CEP135: variants seen among roughly 807,000 people sequenced by gnomAD.
CEP135 encodes centrosomal protein 135.
A neutral mutation model predicts 157.3 loss-of-function variants in CEP135; 142 were observed. The observed-to-expected ratio is 0.90, with a 90% confidence interval of 0.79 to 1.04. The LOEUF (loss-of-function observed/expected upper bound fraction) is 1.04, where lower values mean the gene tolerates loss of function less well. CEP135 is among the 50% of genes least tolerant of loss of function. The pLI is 0.00. For synonymous variants in CEP135, 396 were observed against 439.8 expected, an observed-to-expected ratio of 0.90 and a Z score of 1.25; for missense variants, 1,317 against 1,309.2, an observed-to-expected ratio of 1.01 and a Z score of -0.09.
chr4:55,969,954 C>G (rs888242515), intron 9 of CEP135, among the ~76,000 whole-genome samples: 1 of 151,882 alleles, frequency 6.6e-6, no homozygotes, highest in African/African-American at 2.4e-5. Context: ...CTCCCTGCAG[C>G]CTTGAACCCC....
intron 6 of CEP135, among the ~76,000 whole-genome samples, chr4:55,963,067 G>C (rs985143542): frequency 9.9e-5 from 15 of 152,040 alleles, no homozygotes; most frequent in African/African-American, 3.4e-4. Context: ...GTTTGCCCAA[G>C]TGCACATTCT....
At chr4:56,017,878 T>C in intron 22 of CEP135, 21 bp downstream of exon 22, 1 of 1,597,258 alleles carries the variant, frequency 6.3e-7, no homozygotes. Context: ...TAAATTGTCT[T>C]GGCACATTGT....
intron 23 of CEP135, 77 bp from the exon 24 acceptor site, chr4:56,020,599 A>T (rs1560425909): frequency 1.8e-6 from 2 of 1,117,278 alleles, no homozygotes; most frequent in Non-Finnish European, 1.3e-6. Flanking sequence ...TCTTCTCTTT[A>T]TTAATTTAAA....
rs146098498 is a variant in CEP135 at position 55,972,759 on chromosome 4, C to T, written c.1249+1351C>T. 7.8e-4 allele frequency among the ~76,000 whole-genome samples: 119 copies of T among 152,282 alleles called. 1 individual carries two copies. In the East Asian group the frequency reaches 0.021, roughly 26 times the overall value. On this transcript the variant is annotated intron_variant, in intron 10 of 25. Coordinates refer to ENST00000257287, the MANE Select transcript of CEP135 (RefSeq NM_025009.5). Reference sequence around the variant, plus strand: ...ATAAAAGTTTAAAACAGGCTGGGTGCGGTGGCTCACGCCTGTAATCCCAGC... The same window carrying T: ...ATAAAAGTTTAAAACAGGCTGGGTGTGGTGGCTCACGCCTGTAATCCCAGC...
At chr4:55,988,308 TA>T (rs1729666166) in intron 14 of CEP135, among the ~76,000 whole-genome samples, 1 of 152,060 alleles carries the variant, frequency 6.6e-6, no homozygotes, top group Non-Finnish European at 1.5e-5. Flanking sequence ...ATAGAAGTTT[TA>T]AAGAAGAACA....
chr4:55,952,852 T>C (rs1728399367), intron 2 of CEP135, among the ~76,000 whole-genome samples: 1 of 152,138 alleles, frequency 6.6e-6, no homozygotes, highest in African/African-American at 2.4e-5. Context: ...AGAAAAGGTA[T>C]TGTGTTGTGC....
At chr4:55,984,654 A>G (rs1458949959) in intron 13 of CEP135, among the ~76,000 whole-genome samples, 1 of 152,244 alleles carries the variant, frequency 6.6e-6, no homozygotes, top group African/African-American at 2.4e-5. Flanking sequence ...TCTGAACATC[A>G]GATGTGTCTG....
chr4:55,996,281 C>T (rs1191289404), intron 15 of CEP135, among the ~76,000 whole-genome samples: 1 of 152,132 alleles, frequency 6.6e-6, no homozygotes, highest in Non-Finnish European at 1.5e-5. Flanking sequence ...CCACTACACT[C>T]AGCTAATTTT....
At chr4:55,952,285 CCA>C in intron 2 of CEP135, 42 bp downstream of exon 2, 1 of 1,100,562 alleles carries the variant, frequency 9.1e-7, no homozygotes, top group South Asian at 1.3e-5. Flanking sequence ...TGATCCCTAA[CCA>C]CTTACCTCAT....
intron 11 of CEP135, among the ~76,000 whole-genome samples, chr4:55,976,788 C>T (rs931252339): frequency 2.6e-5 from 4 of 151,998 alleles, no homozygotes; most frequent in Non-Finnish European, 4.4e-5. Flanking sequence ...GAAGTGCATT[C>T]CCCACCTAAA....
At chr4:55,979,574 G>A (rs896149415) in intron 11 of CEP135, among the ~76,000 whole-genome samples, 29 of 152,156 alleles carry the variant, frequency 1.9e-4, no homozygotes, top group African/African-American at 6.5e-4. Flanking sequence ...ACTGAGAAAT[G>A]TGCTAGGCTG....
chr4:55,971,595 T>C (rs748812802), intron 10 of CEP135, among the ~76,000 whole-genome samples, 187 bp downstream of exon 10: 1 of 152,188 alleles, frequency 6.6e-6, no homozygotes, highest in Non-Finnish European at 1.5e-5. Context: ...TTAGAATTTT[T>C]ATGTTTTGGC....
intron 14 of CEP135, 104 bp from the exon 15 acceptor site, chr4:55,991,829 TC>T (rs1322321575): frequency 1.5e-6 from 1 of 660,836 alleles, no homozygotes; most frequent in African/African-American, 1.9e-5. Context: ...TAAAAATAAA[TC>T]TATTTTCTTA....
chr4:55,969,710 A>G (rs1351346584), intron 9 of CEP135, among the ~76,000 whole-genome samples: 1 of 152,058 alleles, frequency 6.6e-6, no homozygotes, highest in African/African-American at 2.4e-5. Flanking sequence ...CCTTAATTTT[A>G]TGTATAGTAG....
At chr4:55,958,927 A>T (rs1728591046) in intron 5 of CEP135, among the ~76,000 whole-genome samples, 1 of 152,140 alleles carries the variant, frequency 6.6e-6, no homozygotes, top group Non-Finnish European at 1.5e-5. Context: ...TCTACAAAAA[A>T]TTTAAAAATT....
chr4:55,966,583 C>G (rs1485035384), intron 8 of CEP135: 2 of 152,636 alleles, frequency 1.3e-5, no homozygotes, highest in African/African-American at 4.8e-5. Context: ...TCCTCAGGCT[C>G]AAGCAATCCT....
intron 14 of CEP135, among the ~76,000 whole-genome samples, chr4:55,990,544 G>A (rs34558195): frequency 0.098 from 14,927 of 152,034 alleles, 1,092 homozygotes; most frequent in East Asian, 0.25. Flanking sequence ...TGCCCAGGCC[G>A]GAGTGCTGTT....
In CEP135 at chr4:55,991,910, A is replaced by C. The variant is rs199516641; in HGVS notation, c.1858-24A>C. ...CATTAACGTATTAAGATATATACCT[A>C]CTGTTTTTTTATTTAAATTATAGCT... On this transcript the variant is annotated intron_variant, in intron 14 of 25. Transcript: ENST00000257287. The C allele has an allele frequency of 4.3e-5, 53 of 1,234,736 alleles. No individual in the cohort carries two copies. The African/African-American group carries it at 7.2e-4, about 17-fold the overall frequency. The allele number at this position is 1,234,736 out of a possible 1,614,324, so 76.5% of individuals were successfully genotyped here.
intron 9 of CEP135, 41 bp downstream of exon 9, chr4:55,969,169 G>A (rs1256792328): frequency 6.3e-7 from 1 of 1,576,590 alleles, no homozygotes; most frequent in Non-Finnish European, 8.7e-7. Flanking sequence ...TTTTCAGTAA[G>A]AAAATTTTTA....
Sources: gnomAD v4.1 joint callset for allele counts (sites outside exome capture counted in the v4.1 genomes callset) on GRCh38, gnomAD v4.1.1 for gene constraint, MANE v1.5 for transcripts, NCBI Gene and HGNC (gene_info 2026-07-23, HGNC 2026-07-21) for gene names.